RGS6: variants seen among roughly 807,000 people sequenced by gnomAD.
RGS6 encodes regulator of G protein signaling 6, also known as regulator of G-protein signaling 6.
A neutral mutation model predicts 78.5 loss-of-function variants in RGS6; 30 were observed. That is an observed-to-expected ratio of 0.38 (90% CI 0.29 to 0.52). The LOEUF (loss-of-function observed/expected upper bound fraction) is 0.52, where lower values mean the gene tolerates loss of function less well. RGS6 is among the 20% of genes least tolerant of loss of function. The probability of loss-of-function intolerance (pLI) is 0.85; values close to 1 mark genes in which losing one functional copy is unlikely to be tolerated. For missense variants in RGS6, 495 were observed against 609.7 expected, an observed-to-expected ratio of 0.81 and a Z score of 1.98; for synonymous variants, 206 against 206.0, an observed-to-expected ratio of 1.00 and a Z score of 0.00.
chr14:72,054,109 G>A (rs777155024), intron 2 of RGS6, among the ~76,000 whole-genome samples: 4 of 152,140 alleles, frequency 2.6e-5, no homozygotes, highest in Non-Finnish European at 4.4e-5. Context: ...CAACCAACAT[G>A]AAGATGACTG....
chr14:71,874,580 A>G, the RGS6 span, among the ~76,000 whole-genome samples: 1 of 152,256 alleles, frequency 6.6e-6, no homozygotes, highest in East Asian at 1.9e-4. Context: ...CAATCATATC[A>G]TCTGCAAACA....
At chr14:72,512,333 C>T (rs1248518506) in intron 14 of RGS6, among the ~76,000 whole-genome samples, 11 of 152,228 alleles carry the variant, frequency 7.2e-5, no homozygotes, top group Non-Finnish European at 1.2e-4. Flanking sequence ...TAGAAAGTCC[C>T]GAGTGTAGCC....
At chr14:72,587,389 G>T in the RGS6 span, among the ~76,000 whole-genome samples, 1 of 152,028 alleles carries the variant, frequency 6.6e-6, no homozygotes, top group Non-Finnish European at 1.5e-5. Context: ...AAGCTGTGAC[G>T]GTTCTATCAC....
intron 2 of RGS6, among the ~76,000 whole-genome samples, chr14:72,016,810 T>C (rs2087102831): frequency 6.6e-6 from 1 of 152,208 alleles, no homozygotes; most frequent in African/African-American, 2.4e-5. Flanking sequence ...TACTTTAAAC[T>C]GTATTTTAGG....
chr14:72,165,534 C>A (rs186410864), intron 2 of RGS6, among the ~76,000 whole-genome samples: 1 of 152,198 alleles, frequency 6.6e-6, no homozygotes, highest in African/African-American at 2.4e-5. Context: ...GGGGGCTTTG[C>A]GTTTATTTGT....
At chr14:72,207,918 G>A (rs928604783) in intron 2 of RGS6, among the ~76,000 whole-genome samples, 20 of 152,310 alleles carry the variant, frequency 1.3e-4, no homozygotes, top group African/African-American at 4.6e-4. Context: ...GTTAATTGGA[G>A]GAAGTGAATG....
chr14:72,185,573 G>C (rs1695379161), intron 2 of RGS6, among the ~76,000 whole-genome samples: 1 of 152,190 alleles, frequency 6.6e-6, no homozygotes, highest in African/African-American at 2.4e-5. Flanking sequence ...AACTAGTGTA[G>C]AGTGTGAATT....
At chr14:71,958,897 G>T (rs1431372987) in intron 1 of RGS6, among the ~76,000 whole-genome samples, 2 of 152,164 alleles carry the variant, frequency 1.3e-5, no homozygotes, top group East Asian at 3.9e-4. Context: ...TATCTCCCAG[G>T]TTATTCTGAG....
At chr14:72,385,303 TA>T (rs1201954037) in intron 3 of RGS6, among the ~76,000 whole-genome samples, 1 of 152,158 alleles carries the variant, frequency 6.6e-6, no homozygotes, top group African/African-American at 2.4e-5. Context: ...AAAAATATGT[TA>T]AAAGGGGGCG....
intron 1 of RGS6, among the ~76,000 whole-genome samples, chr14:71,963,159 TGTTTGGTATGTTTGTTTTAAA>T (rs1168987396): frequency 1.3e-5 from 2 of 152,198 alleles, no homozygotes; most frequent in Non-Finnish European, 2.9e-5. Context: ...ATATAGCAGG[TGTTTGGTATGTTTGTTTTAAA>T]GGGAAATTAA....
intron 1 of RGS6, among the ~76,000 whole-genome samples, chr14:71,944,207 G>A (rs1050249249): frequency 5.3e-5 from 8 of 152,178 alleles, no homozygotes; most frequent in African/African-American, 1.4e-4. Flanking sequence ...CTATGGGTCC[G>A]TCATATGGTT....
chr14:71,867,897 T>G, the RGS6 span, among the ~76,000 whole-genome samples: 1 of 151,984 alleles, frequency 6.6e-6, no homozygotes, highest in Non-Finnish European at 1.5e-5. Context: ...AGACTACCCA[T>G]AGTGGGGCCA....
rs531382659 is a variant in RGS6, at chr14:72,275,568, A to G, written c.85-76527A>G. The stretch of plus-strand genomic sequence containing the variant: ...AATCAATGTCTATAGTCTTAATTAC[A>G]TAGAGGCTAAAGCCTCAATTATTCT... On this transcript the variant is annotated intron_variant, in intron 2 of 17. Transcript: ENST00000553525. Among the ~76,000 whole-genome samples the G allele has an allele frequency of 1.8e-4, 28 of 152,352 alleles. No individual in the cohort carries two copies. The East Asian group carries it at 4.6e-3, about 25-fold the overall frequency.
At chr14:72,600,137 G>C in the RGS6 span, among the ~76,000 whole-genome samples, 839 of 151,620 alleles carry the variant, frequency 5.5e-3, 12 homozygotes, top group African/African-American at 0.019. Flanking sequence ...TACACACACA[G>C]AGAGAGTCAA....
chr14:72,192,053 C>T (rs748555021), intron 2 of RGS6, among the ~76,000 whole-genome samples: 6 of 152,212 alleles, frequency 3.9e-5, no homozygotes, highest in Non-Finnish European at 7.3e-5. Context: ...TAACACCAAA[C>T]TCCTCCAGTT....
chr14:72,602,941 G>T, the RGS6 span, among the ~76,000 whole-genome samples: 1 of 151,662 alleles, frequency 6.6e-6, no homozygotes, highest in Non-Finnish European at 1.5e-5. Context: ...GGAAGATAAA[G>T]AAAAAGAAAA....
intron 13 of RGS6, among the ~76,000 whole-genome samples, chr14:72,507,086 G>T (rs1042011862): frequency 6.6e-6 from 1 of 150,410 alleles, no homozygotes; most frequent in African/African-American, 2.4e-5. Flanking sequence ...GGAGAATGGC[G>T]TGAACCCAGG....
intron 3 of RGS6, among the ~76,000 whole-genome samples, chr14:72,407,622 C>A (rs1348731045): frequency 6.6e-6 from 1 of 152,206 alleles, no homozygotes; most frequent in African/African-American, 2.4e-5. Context: ...AGACAGTAAA[C>A]CGGGAGAGGC....
intron 2 of RGS6, among the ~76,000 whole-genome samples, chr14:72,295,223 G>A (rs1191389888): frequency 7.3e-5 from 11 of 150,572 alleles, no homozygotes; most frequent in South Asian, 4.3e-4. Flanking sequence ...CCCGGGAGGC[G>A]GAGCTTGCAG....
Sources: allele counts gnomAD v4.1 joint callset (sites outside exome capture counted in the v4.1 genomes callset), GRCh38; gene constraint gnomAD v4.1.1; transcripts MANE v1.5; gene names NCBI Gene and HGNC (gene_info 2026-07-23, HGNC 2026-07-21).